Variants in PPFIBP2 observed in about 807,000 individuals in gnomAD.
PPFIBP2 encodes liprin-beta-2.
Under a neutral mutation model 118.3 loss-of-function variants are expected in PPFIBP2, and 118 were observed. The observed-to-expected ratio is 1.00, with a 90% CI of 0.86 to 1.16. PPFIBP2 has a LOEUF of 1.16. Ranked by LOEUF, PPFIBP2 falls within the 50% of genes most tolerant of loss-of-function variation. The pLI, the probability that PPFIBP2 is intolerant of heterozygous loss-of-function variation, is 0.00. For missense variants in PPFIBP2, 1,195 were observed against 1,073.1 expected, an observed-to-expected ratio of 1.11 and a Z score of -1.59; for synonymous variants, 414 against 397.4, an observed-to-expected ratio of 1.04 and a Z score of -0.50.
chr11:7,635,569 G>T lies in PPFIBP2; in HGVS notation c.1212G>T (p.Gln404His). ...ESVDKCMDGN[Q>H]PFPVLEPKDS... ...CTCCATAGTGTATGGATGGGAACCA[G>T]CCCTTCCCGGTGTTAGAACCCAAGG... is the stretch of plus-strand genomic sequence containing the variant. Residue 404 changes from glutamine to histidine, a missense_variant, in exon 14 of 24, where the codon CAG (glutamine) becomes CAT (histidine). Transcript: ENST00000299492. 6.2e-7 allele frequency: 1 copy of T among 1,611,458 alleles called. No individual in the cohort carries two copies. Among genetic ancestry groups the T allele is most frequent in the East Asian group, 2.2e-5 (1 of 44,868 alleles).
intron 4 of PPFIBP2, among the ~76,000 whole-genome samples, chr11:7,595,005 G>C (rs975148440): frequency 6.6e-6 from 1 of 152,052 alleles, no homozygotes; most frequent in African/African-American, 2.4e-5. Flanking sequence ...TAAGAACGCT[G>C]GAAAAAAGTA....
rs1003445314 is a variant in PPFIBP2, at chr11:7,602,475, A to G, written c.486+4802A>G. 3.3e-5 allele frequency among the ~76,000 whole-genome samples: 5 copies of G among 152,144 alleles called. 1 individual carries two copies. The highest frequency in any genetic ancestry group is 6.3e-3 in the Middle Eastern group (2 of 316). On this transcript the variant is annotated intron_variant, in intron 5 of 23. Coordinates refer to ENST00000299492, the MANE Select transcript of PPFIBP2 (RefSeq NM_003621.5). ...ACTGGGGTCTAGTAGGTTCCTGCACAATAAGCTCCTCTGCCTCTGATCACT... is the reference window on the plus strand; with the variant it reads ...ACTGGGGTCTAGTAGGTTCCTGCACGATAAGCTCCTCTGCCTCTGATCACT...
intron 1 of PPFIBP2, among the ~76,000 whole-genome samples, chr11:7,530,132 A>G (rs1314772428): frequency 6.6e-6 from 1 of 152,212 alleles, no homozygotes; most frequent in Non-Finnish European, 1.5e-5. Flanking sequence ...AGTTGGGAAC[A>G]TGTTCTCTGA....
chr11:7,517,681 A>G (rs1171041158), intron 1 of PPFIBP2, among the ~76,000 whole-genome samples: 1 of 152,106 alleles, frequency 6.6e-6, no homozygotes, highest in Non-Finnish European at 1.5e-5. Flanking sequence ...CACAACAGAG[A>G]CTTAGGAGGA....
intron 15 of PPFIBP2, among the ~76,000 whole-genome samples, chr11:7,640,195 T>C (rs1233207313): frequency 6.6e-6 from 1 of 152,098 alleles, no homozygotes; most frequent in African/African-American, 2.4e-5. Flanking sequence ...TAGCATTGTT[T>C]TCCCTCCTCT....
At chr11:7,595,916 A>G (rs1271141974) in intron 4 of PPFIBP2, among the ~76,000 whole-genome samples, 1 of 140,950 alleles carries the variant, frequency 7.1e-6, no homozygotes, top group Non-Finnish European at 1.5e-5. Context: ...TAACTTCTGT[A>G]TCCTCCAGTA....
At chr11:7,587,286 G>T (rs1020952171) in intron 3 of PPFIBP2, among the ~76,000 whole-genome samples, 1 of 152,156 alleles carries the variant, frequency 6.6e-6, no homozygotes, top group African/African-American at 2.4e-5. Flanking sequence ...TGATAATCCT[G>T]GTTTGAACTA....
intron 3 of PPFIBP2, among the ~76,000 whole-genome samples, chr11:7,569,830 T>G (rs1855451778): frequency 6.6e-6 from 1 of 151,848 alleles, no homozygotes; most frequent in South Asian, 2.1e-4. Context: ...CAGAGCTGAG[T>G]TCTAGAAAAG....
intron 3 of PPFIBP2, among the ~76,000 whole-genome samples, chr11:7,575,888 C>T (rs969241514): frequency 2.6e-5 from 4 of 152,196 alleles, no homozygotes; most frequent in East Asian, 1.9e-4. Flanking sequence ...TAGAGCTCAG[C>T]GCATGGGCAG....
Position 7,532,206 on chromosome 11 carries a change from T to C in PPFIBP2, c.-36-17234T>C, listed in dbSNP as rs914982666. 4.0e-4 allele frequency among the ~76,000 whole-genome samples: 58 copies of C among 143,652 alleles called. 1 individual carries two copies. Among genetic ancestry groups the C allele is most frequent in the African/African-American group, 1.2e-3 (44 of 37,438 alleles). 94.2% of individuals were successfully genotyped at this position (143,652 alleles called of 152,430 possible). A position where few individuals can be genotyped will look rare whatever the true frequency, so the allele number is the denominator to read the frequency against. On this transcript the variant is annotated intron_variant, in intron 1 of 23. Coordinates refer to ENST00000299492, the MANE Select transcript of PPFIBP2 (RefSeq NM_003621.5). ...TCACATGGTCTTTCCTCTGTACCCA[T>C]GTGTCCTAATCTGCTCTGCTTTTAA...
chr11:7,594,955 A>G (rs1286696958), intron 4 of PPFIBP2, among the ~76,000 whole-genome samples: 1 of 151,906 alleles, frequency 6.6e-6, no homozygotes, highest in East Asian at 1.9e-4. Context: ...GAGAGTGTGA[A>G]TTGACAATAA....
chr11:7,599,040 G>T (rs975431835), intron 5 of PPFIBP2, among the ~76,000 whole-genome samples: 1 of 151,210 alleles, frequency 6.6e-6, no homozygotes, highest in Non-Finnish European at 1.5e-5. Context: ...TACTTAGGTT[G>T]TGTGCCATTT....
Position 7,610,289 on chromosome 11 carries a change from A to G in PPFIBP2, c.487-2A>G. The G allele has an allele frequency of 6.2e-7, 1 of 1,613,596 alleles. No individual in the cohort carries two copies. Among genetic ancestry groups the G allele is most frequent in the Non-Finnish European group, 8.5e-7 (1 of 1,179,490 alleles). On this transcript the variant is annotated splice_acceptor_variant, in intron 5 of 23. Transcript: ENST00000299492. LOFTEE classifies it high-confidence loss of function. ...GATTTCGAGATCTGTTTTTGCTTGC[A>G]GGAGCTGCTAAGCCGCACATCTCTT...
intron 1 of PPFIBP2, among the ~76,000 whole-genome samples, chr11:7,540,359 A>G (rs1851654200): frequency 6.6e-6 from 1 of 152,094 alleles, no homozygotes; most frequent in Non-Finnish European, 1.5e-5. Context: ...GATCTGAAAG[A>G]GAGGGAGGAG....
Position 7,562,929 on chromosome 11 carries a change from TTATATATATATA to T in PPFIBP2, c.65-2587_65-2576del, listed in dbSNP as rs60848890. 2.9e-3 allele frequency among the ~76,000 whole-genome samples: 253 copies of T among 86,524 alleles called. 2 individuals carry two copies. The highest frequency in any genetic ancestry group is 9.6e-3 in the South Asian group (18 of 1,878). 56.8% of individuals were successfully genotyped at this position (86,524 alleles called of 152,430 possible). A position where few individuals can be genotyped will look rare whatever the true frequency, so the allele number is the denominator to read the frequency against. On this transcript the variant is annotated intron_variant, in intron 2 of 23. Transcript: ENST00000299492. ...TTTCAAAGAAATAGAAATTAAAGTT[TTATATATATATA>T]TATATATATATATATATATATATAT...
chr11:7,642,417 G>A lies in PPFIBP2; in HGVS notation c.1637G>A (p.Gly546Glu), dbSNP rs1852328848. 1 of 1,613,330 alleles carries A rather than the reference G, an allele frequency of 6.2e-7. No individual in the cohort carries two copies. The highest frequency in any genetic ancestry group is 8.5e-7 in the Non-Finnish European group (1 of 1,179,562). Reference sequence around the variant, plus strand: ...CTCTCTAGGACCAGGGACTCCAAGGGACAGAAAAGGTAAGGCTTGACCCAC... The same window carrying A: ...CTCTCTAGGACCAGGGACTCCAAGGAACAGAAAAGGTAAGGCTTGACCCAC... ...PRLSRTRDSK[G>E]QKSDANAPFA... Residue 546 changes from glycine (G) to glutamate (E), a missense_variant, in exon 17 of 24, where the codon GGA (glycine) becomes GAA (glutamate). Gly to Glu is a moderately conservative substitution (Grantham distance 98). Coordinates refer to ENST00000299492, the MANE Select transcript of PPFIBP2 (RefSeq NM_003621.5).
At chr11:7,651,320 A>C in intron 22 of PPFIBP2, 1 of 346,754 alleles carries the variant, frequency 2.9e-6, no homozygotes, top group Non-Finnish European at 5.3e-6. Context: ...CCCTATCACT[A>C]CTCAGATCTG....
intron 3 of PPFIBP2, among the ~76,000 whole-genome samples, chr11:7,586,531 G>C (rs1322857164): frequency 6.6e-6 from 1 of 152,144 alleles, no homozygotes; most frequent in Non-Finnish European, 1.5e-5. Flanking sequence ...AGTGCCACAC[G>C]TTTTCAGGTA....
chr11:7,637,423 T>C (rs1240471515), intron 14 of PPFIBP2, among the ~76,000 whole-genome samples: 1 of 152,230 alleles, frequency 6.6e-6, no homozygotes, highest in African/African-American at 2.4e-5. Flanking sequence ...GGATATGTTA[T>C]TTCCTGGCAA....
Sources: allele counts gnomAD v4.1 joint callset (sites outside exome capture counted in the v4.1 genomes callset), GRCh38; gene constraint gnomAD v4.1.1; transcripts MANE v1.5; gene names NCBI Gene and HGNC (gene_info 2026-07-23, HGNC 2026-07-21).